The following NAV1 variants were observed in gnomAD, a reference collection of about 807,000 sequenced individuals.
NAV1 encodes pore membrane and/or filament interacting like protein 3.
NAV1 carries 18 observed loss-of-function variants against 175.2 expected under a neutral mutation model. That is an observed-to-expected ratio of 0.10 (90% CI 0.07 to 0.15). NAV1 has a LOEUF of 0.15. Ranked by LOEUF, NAV1 falls within the 10% of genes least tolerant of loss-of-function variation. The pLI is 1.00. For synonymous variants in NAV1, 897 were observed against 978.7 expected, an observed-to-expected ratio of 0.92 and a Z score of 1.56; for missense variants, 1,731 against 2,436.6, an observed-to-expected ratio of 0.71 and a Z score of 6.10.
upstream of NAV1, among the ~76,000 whole-genome samples, chr1:201,621,675 G>A (rs1668175209): frequency 6.6e-6 from 1 of 152,130 alleles, no homozygotes; most frequent in Non-Finnish European, 1.5e-5. Context: ...CAAACCTTTT[G>A]AAAAGGTTTT....
chr1:201,799,148 G>A (rs1333797701), intron 15 of NAV1, among the ~76,000 whole-genome samples: 1 of 151,788 alleles, frequency 6.6e-6, no homozygotes. Flanking sequence ...TGTGTTCTCT[G>A]TAACTTATTT....
chr1:201,666,885 C>T (rs1360960406), intron 1 of NAV1, among the ~76,000 whole-genome samples: 1 of 152,074 alleles, frequency 6.6e-6, no homozygotes, highest in Non-Finnish European at 1.5e-5. Context: ...AGCCACCCTC[C>T]ACCATGTTCC....
At chr1:201,821,564 C>G (rs1679383964) in exon 30 of NAV1, 1 of 150,354 alleles carries the variant, frequency 6.7e-6, no homozygotes, top group Non-Finnish European at 1.5e-5. Context: ...GACCTGGGCC[C>G]TTAAGTTTAC....
intron 3 of NAV1, among the ~76,000 whole-genome samples, chr1:201,752,542 C>A (rs1171783142): frequency 2.0e-5 from 3 of 151,766 alleles, no homozygotes; most frequent in African/African-American, 7.3e-5. Flanking sequence ...GAAAACTTCA[C>A]AAATAACACA....
At chr1:201,627,792 C>T (rs1375064455) in intron 1 of NAV1, among the ~76,000 whole-genome samples, 1 of 152,080 alleles carries the variant, frequency 6.6e-6, no homozygotes, top group Non-Finnish European at 1.5e-5. Context: ...AAGAAACCAA[C>T]CAACCCCAGT....
exon 30 of NAV1, chr1:201,819,966 G>C (rs760147582): frequency 2.5e-6 from 4 of 1,594,904 alleles, no homozygotes; most frequent in East Asian, 4.5e-5. Flanking sequence ...CCGGACAGCA[G>C]AACGCTGGCA....
chr1:201,728,357 C>T (rs530112111), intron 3 of NAV1, among the ~76,000 whole-genome samples: 10 of 151,886 alleles, frequency 6.6e-5, no homozygotes, highest in South Asian at 6.2e-4. Context: ...TTTGGGAGGC[C>T]GAGGCAGGTG....
chr1:201,685,251 C>CA (rs202097705), intron 1 of NAV1, among the ~76,000 whole-genome samples: 5 of 151,854 alleles, frequency 3.3e-5, no homozygotes, highest in Middle Eastern at 3.2e-3. Context: ...AAAAACAAAA[C>CA]AAAAAAAACC....
chr1:201,552,224 G>A (rs1260439774), intron 1 of NAV1, among the ~76,000 whole-genome samples: 1 of 152,234 alleles, frequency 6.6e-6, no homozygotes, highest in Admixed American at 6.5e-5. Context: ...GCCTCCCAGG[G>A]CAGAGGAAAG....
chr1:201,603,879 C>T (rs1344160927), intron 2 of NAV1, among the ~76,000 whole-genome samples: 2 of 152,118 alleles, frequency 1.3e-5, no homozygotes, highest in Admixed American at 1.3e-4. Context: ...CATCGCATAG[C>T]CTTTCAATTC....
At position 201,782,288 on chromosome 1, in the gene NAV1, C is replaced by T. The variant is rs2102711152; in HGVS notation, c.1776C>T (p.Pro592=). Residue 592 remains proline, a synonymous_variant, in exon 6 of 30, where the codon CCC becomes CCT. Transcript: ENST00000367296. This position sits in a 1 kb window ranked among gnomAD's most constrained non-coding sequence, Gnocchi z 5.4. ...ACCGCCTGAGTGATGCTAAGAAGCC[C>T]CCCTCGGGCATTGCTCGCCCCTCCA... 6.2e-7 allele frequency: 1 copy of T among 1,614,190 alleles called. No homozygotes were observed. The highest frequency in any genetic ancestry group is 8.5e-7 in the Non-Finnish European group (1 of 1,180,048).
At position 201,651,722 on chromosome 1, in the gene NAV1, G is replaced by A. The variant is rs745437097; in HGVS notation, c.757+2297G>A. 5.9e-5 allele frequency among the ~76,000 whole-genome samples: 9 copies of A among 152,224 alleles called. No homozygotes were observed. The South Asian group carries it at 1.9e-3, about 32-fold the overall frequency. On this transcript the variant is annotated intron_variant, in intron 1 of 29. Transcript: ENST00000367296. Reference sequence around the variant, plus strand: ...CAGCAGGCAGAGGGACCTGCCCAAGGCTATGTCTACTGGGTATGGGCCACC... The same window carrying A: ...CAGCAGGCAGAGGGACCTGCCCAAGACTATGTCTACTGGGTATGGGCCACC...
intron 1 of NAV1, among the ~76,000 whole-genome samples, chr1:201,676,271 G>A (rs949834534): frequency 7.9e-5 from 12 of 152,204 alleles, no homozygotes; most frequent in Admixed American, 5.9e-4. Context: ...CTTTTAAGAG[G>A]AAGCTTTAGC....
chr1:201,784,075 C>A (rs1676529778), intron 7 of NAV1, among the ~76,000 whole-genome samples: 2 of 152,162 alleles, frequency 1.3e-5, no homozygotes, highest in African/African-American at 4.8e-5. Flanking sequence ...AACTTGTGCA[C>A]AAAGAAGTTA....
At chr1:201,601,278 TC>T (rs1486183326) in intron 2 of NAV1, among the ~76,000 whole-genome samples, 30 of 152,286 alleles carry the variant, frequency 2.0e-4, no homozygotes, top group African/African-American at 7.2e-4. Flanking sequence ...GTCCAGGAGT[TC>T]AAAACCAGCT....
Position 201,813,081 on chromosome 1 carries a change from C to A in NAV1, c.5222-59C>A. 8.0e-7 allele frequency: 1 copy of A among 1,250,114 alleles called. No individual in the cohort carries two copies. The highest frequency in any genetic ancestry group is 1.2e-6 in the Non-Finnish European group (1 of 858,328). 77.4% of individuals were successfully genotyped at this position (1,250,114 alleles called of 1,614,324 possible). A position where few individuals can be genotyped will look rare whatever the true frequency, so the allele number is the denominator to read the frequency against. ...GCCTGGTACTAAGGAGTAAAAGAGG[C>A]ACACAACCGGGAAGATCTAGGTTCC... On this transcript the variant is annotated intron_variant, in intron 27 of 29. Transcript: ENST00000367296. This position sits in a 1 kb window ranked among gnomAD's most constrained non-coding sequence, Gnocchi z 4.2.
chr1:201,730,985 T>C (rs1453052858), intron 3 of NAV1, among the ~76,000 whole-genome samples: 1 of 152,160 alleles, frequency 6.6e-6, no homozygotes, highest in Non-Finnish European at 1.5e-5. Context: ...GTCATCTATA[T>C]ATCAGTGTGA....
At chr1:201,809,469 G>A in exon 22 of NAV1, 1 of 1,614,082 alleles carries the variant, frequency 6.2e-7, no homozygotes, top group South Asian at 1.1e-5. Flanking sequence ...ATTCTTCCTG[G>A]GCTGTAGCAA....
intron 2 of NAV1, among the ~76,000 whole-genome samples, chr1:201,713,740 G>A (rs1672011599): frequency 6.6e-6 from 1 of 152,162 alleles, no homozygotes; most frequent in African/African-American, 2.4e-5. Context: ...GGCTGTGTGA[G>A]GGCTAGGAAG....
Sources: gnomAD v4.1 joint callset for allele counts (sites outside exome capture counted in the v4.1 genomes callset) on GRCh38, gnomAD v4.1.1 for gene constraint, Gnocchi (gnomAD v3.1) non-coding constraint, MANE v1.5 for transcripts, NCBI Gene and HGNC (gene_info 2026-07-23, HGNC 2026-07-21) for gene names.